CDH18: variants seen among roughly 807,000 people sequenced by gnomAD.
CDH18 encodes the protein cadherin 18, also known as cadherin-18.
In CDH18, 31 loss-of-function variants were observed where a neutral mutation model predicts 67.9. The ratio of observed to expected loss-of-function variants is 0.46; its 90% confidence interval spans 0.34 to 0.62. The LOEUF (loss-of-function observed/expected upper bound fraction) is 0.62, where lower values mean the gene tolerates loss of function less well. CDH18 is among the 20% of genes least tolerant of loss of function. The pLI, the probability that CDH18 is intolerant of heterozygous loss-of-function variation, is 0.01. For missense variants in CDH18, 890 were observed against 975.5 expected (o/e 0.91, Z 1.17); for synonymous variants, 362 against 347.2 (o/e 1.04, Z -0.48).
chr5:19,490,394 GTTTTTTTTTTTTTTT>G (rs70950073), intron 11 of CDH18, among the ~76,000 whole-genome samples: 5 of 60,210 alleles, frequency 8.3e-5, no homozygotes, highest in African/African-American at 3.4e-4. Context: ...ATAAAAATCT[GTTTTTTTTTTTTTTT>G]TTTTTTTTTT....
chr5:19,601,349 G>GA (rs1747093314), intron 6 of CDH18, among the ~76,000 whole-genome samples: 1 of 152,136 alleles, frequency 6.6e-6, no homozygotes. Context: ...ACTAACTGGA[G>GA]AATGTATAAA....
intron 2 of CDH18, among the ~76,000 whole-genome samples, chr5:19,890,344 C>T (rs1393796742): frequency 6.6e-6 from 1 of 152,032 alleles, no homozygotes; most frequent in Non-Finnish European, 1.5e-5. Flanking sequence ...CATCTCAAGA[C>T]CCTTAATCAC....
chr5:19,736,179 A>C (rs1208256494), intron 4 of CDH18, among the ~76,000 whole-genome samples: 1 of 152,184 alleles, frequency 6.6e-6, no homozygotes, highest in Non-Finnish European at 1.5e-5. Flanking sequence ...TGAACGTAAC[A>C]ATTAAAATTT....
At chr5:19,528,501 G>GAT (rs1367051525) in intron 9 of CDH18, among the ~76,000 whole-genome samples, 3 of 151,296 alleles carry the variant, frequency 2.0e-5, no homozygotes, top group South Asian at 2.1e-4. Context: ...TAAAAATAAT[G>GAT]ATATATATAT....
chr5:19,550,933 C>A (rs894833913), intron 8 of CDH18, among the ~76,000 whole-genome samples: 1 of 152,118 alleles, frequency 6.6e-6, no homozygotes, highest in Admixed American at 6.5e-5. Flanking sequence ...CTGTTGTTTC[C>A]TGACTTTTTA....
chr5:19,591,311 T>A, intron 6 of CDH18, 67 bp from the exon 7 acceptor site: 1 of 1,163,604 alleles, frequency 8.6e-7, no homozygotes, highest in Non-Finnish European at 1.2e-6. Flanking sequence ...CAAGAAAAAA[T>A]AAATATTTAG....
At chr5:20,225,942 T>C (rs925797788) in intron 2 of CDH18, among the ~76,000 whole-genome samples, 19 of 152,044 alleles carry the variant, frequency 1.2e-4, no homozygotes, top group African/African-American at 4.1e-4. Context: ...GACCTGTTTA[T>C]GATCTTTCAG....
At chr5:19,830,012 T>C (rs185864918) in intron 3 of CDH18, among the ~76,000 whole-genome samples, 52 of 152,346 alleles carry the variant, frequency 3.4e-4, no homozygotes, top group African/African-American at 1.2e-3. Context: ...GCTAGACTCC[T>C]TCCTTACATC....
At chr5:19,899,399 C>CAAAAAAA (rs57987551) in intron 2 of CDH18, among the ~76,000 whole-genome samples, 1 of 137,088 alleles carries the variant, frequency 7.3e-6, no homozygotes. Context: ...GACTCCATTT[C>CAAAAAAA]AAAAAAAAAA....
intron 2 of CDH18, among the ~76,000 whole-genome samples, chr5:20,084,352 C>T (rs1316084491): frequency 1.3e-5 from 2 of 152,188 alleles, no homozygotes; most frequent in Admixed American, 6.5e-5. Flanking sequence ...GTTCCTATGG[C>T]CTTGGGCAGC....
chr5:19,772,742 C>T (rs1773867092), intron 3 of CDH18, among the ~76,000 whole-genome samples: 1 of 152,142 alleles, frequency 6.6e-6, no homozygotes, highest in South Asian at 2.1e-4. Context: ...CCCAAGATCA[C>T]AAAGCTGCTA....
intron 3 of CDH18, among the ~76,000 whole-genome samples, chr5:19,790,851 A>G (rs982603205): frequency 1.3e-5 from 2 of 152,150 alleles, no homozygotes; most frequent in Non-Finnish European, 2.9e-5. Flanking sequence ...GAAAAGAACC[A>G]GACAGACTTG....
At chr5:19,886,330 T>C (rs927147055) in intron 2 of CDH18, 5 of 152,150 alleles carry the variant, frequency 3.3e-5, no homozygotes, top group African/African-American at 9.7e-5. Context: ...CAAAGCCACA[T>C]GCAAGCTAAA....
chr5:19,980,662 C>T (rs1293593368), intron 2 of CDH18, among the ~76,000 whole-genome samples: 2 of 151,986 alleles, frequency 1.3e-5, no homozygotes, highest in African/African-American at 2.4e-5. Context: ...AATTCCAGGC[C>T]GTTATGTTTT....
At chr5:19,701,591 C>G (rs978223825) in intron 5 of CDH18, among the ~76,000 whole-genome samples, 1 of 152,030 alleles carries the variant, frequency 6.6e-6, no homozygotes, top group Non-Finnish European at 1.5e-5. Context: ...CTGGTTCCCC[C>G]GAAGTCCTGT....
intron 2 of CDH18, among the ~76,000 whole-genome samples, chr5:20,026,186 A>G (rs550855799): frequency 6.6e-6 from 1 of 152,192 alleles, no homozygotes; most frequent in Non-Finnish European, 1.5e-5. Context: ...CCTTTCTGTT[A>G]CAGGAGAAAA....
At chr5:19,590,520 A>C (rs1580370583) in intron 7 of CDH18, among the ~76,000 whole-genome samples, 1 of 151,484 alleles carries the variant, frequency 6.6e-6, no homozygotes, top group East Asian at 2.0e-4. Context: ...ACAGACAGAC[A>C]GATAGATAGA....
chr5:19,727,769 T>C (rs1381429222), intron 4 of CDH18, among the ~76,000 whole-genome samples: 1 of 152,160 alleles, frequency 6.6e-6, no homozygotes, highest in African/African-American at 2.4e-5. Flanking sequence ...ACCAGATACA[T>C]CATAAGAGAG....
chr5:20,341,011 C>T (rs1334837412), intron 1 of CDH18, among the ~76,000 whole-genome samples: 1 of 152,122 alleles, frequency 6.6e-6, no homozygotes, highest in African/African-American at 2.4e-5. Flanking sequence ...AACATTAATT[C>T]AGAAGTTTGG....
Sources: allele counts gnomAD v4.1 joint callset (sites outside exome capture counted in the v4.1 genomes callset), GRCh38; gene constraint gnomAD v4.1.1; transcripts MANE v1.5; gene names NCBI Gene and HGNC (gene_info 2026-07-23, HGNC 2026-07-21).